TNFRSF1B: variants seen among roughly 807,000 people sequenced by gnomAD.
The protein encoded by TNFRSF1B is tumor necrosis factor receptor superfamily member 1B.
TNFRSF1B carries 19 observed loss-of-function variants against 44.6 expected under a neutral mutation model. That is an observed-to-expected ratio of 0.43 (90% CI 0.30 to 0.62). The LOEUF is 0.62. Ranked by LOEUF, TNFRSF1B falls within the 20% of genes least tolerant of loss-of-function variation. TNFRSF1B has a pLI of 0.16. For synonymous variants in TNFRSF1B, 252 were observed against 261.1 expected, an observed-to-expected ratio of 0.97 and a Z score of 0.34; for missense variants, 541 against 619.9, an observed-to-expected ratio of 0.87 and a Z score of 1.35.
At position 12,201,260 on chromosome 1, in the gene TNFRSF1B, C is replaced by CAAA. The variant is rs1177930307; in HGVS notation, c.901-686_901-684dup. Among the ~76,000 whole-genome samples, 300 of 55,724 alleles carry CAAA rather than the reference C, an allele frequency of 5.4e-3. 1 individual carries two copies. The highest frequency in any genetic ancestry group is 0.017 in the African/African-American group (267 of 15,456). 36.6% of individuals were successfully genotyped at this position (55,724 alleles called of 152,430 possible). On this transcript the variant is annotated intron_variant, in intron 8 of 9. Transcript: ENST00000376259. ...TGAGCAACAGGGTGAGACCCTGTCT[C>CAAA]AAAAAAAAAAAAAAAAAAAAAAAGT...
chr1:12,200,738 T>C (rs1402466857), intron 8 of TNFRSF1B, among the ~76,000 whole-genome samples: 1 of 152,156 alleles, frequency 6.6e-6, no homozygotes, highest in Non-Finnish European at 1.5e-5. Context: ...TTCTCCTGCC[T>C]CAGCCTCCTG....
intron 9 of TNFRSF1B, among the ~76,000 whole-genome samples, chr1:12,206,193 A>G (rs374632348): frequency 1.3e-5 from 2 of 152,136 alleles, no homozygotes; most frequent in East Asian, 1.9e-4. Context: ...TTCGAGACCA[A>G]CCCAGGCAAC....
intron 8 of TNFRSF1B, among the ~76,000 whole-genome samples, chr1:12,198,062 C>G (rs1171745825): frequency 6.8e-6 from 1 of 146,148 alleles, no homozygotes; most frequent in Non-Finnish European, 1.5e-5. Flanking sequence ...GTGGAGCTTG[C>G]AGTGTACTGA....
At chr1:12,189,423 GCAATGCCATGTAGGTGCT>G (rs1639061991) in intron 2 of TNFRSF1B, among the ~76,000 whole-genome samples, 1 of 152,196 alleles carries the variant, frequency 6.6e-6, no homozygotes. Flanking sequence ...AGCACGTGGC[GCAATGCCATGTAGGTGCT>G]CAGTGCATAT....
At chr1:12,172,664 C>A (rs545211093) in intron 1 of TNFRSF1B, among the ~76,000 whole-genome samples, 3 of 152,346 alleles carry the variant, frequency 2.0e-5, no homozygotes, top group Non-Finnish European at 4.4e-5. Context: ...TCTTTCCTCC[C>A]TGCCTTTTCC....
In TNFRSF1B at chr1:12,180,062, G is replaced by C. The variant is rs970506637; in HGVS notation, c.79-8734G>C. On this transcript the variant is annotated intron_variant, in intron 1 of 9. Transcript: ENST00000376259. The surrounding 1 kb of genome is among the most constrained non-coding windows in gnomAD (Gnocchi z 4.3). The stretch of plus-strand genomic sequence containing the variant: ...AGCGGGTAGATCCCTGCCCAGGGGG[G>C]ACCCCCTGGGGAAGGCTGGGAGCAT... Among the ~76,000 whole-genome samples the C allele has an allele frequency of 1.3e-5, 2 of 151,636 alleles. No individual in the cohort carries two copies. Among genetic ancestry groups the C allele is most frequent in the Non-Finnish European group, 2.9e-5 (2 of 67,858 alleles).
intron 8 of TNFRSF1B, among the ~76,000 whole-genome samples, chr1:12,198,469 C>G (rs1639317433): frequency 6.6e-6 from 1 of 152,152 alleles, no homozygotes; most frequent in South Asian, 2.1e-4. Context: ...CACAGATATG[C>G]ACACATGCCC....
intron 8 of TNFRSF1B, among the ~76,000 whole-genome samples, chr1:12,201,260 CA>C (rs1177930307): frequency 0.071 from 3,957 of 55,832 alleles, 38 homozygotes; most frequent in African/African-American, 0.13. Context: ...GACCCTGTCT[CA>C]AAAAAAAAAA....
chr1:12,176,403 A>G (rs989167218), intron 1 of TNFRSF1B, among the ~76,000 whole-genome samples: 2 of 152,166 alleles, frequency 1.3e-5, no homozygotes, highest in African/African-American at 4.8e-5. Context: ...AGCAACTATA[A>G]TTTGGGAGGA....
chr1:12,190,109 TG>T (rs935491732), intron 2 of TNFRSF1B, among the ~76,000 whole-genome samples: 1 of 152,054 alleles, frequency 6.6e-6, no homozygotes, highest in Non-Finnish European at 1.5e-5. Context: ...GAGATGTAGG[TG>T]GGCATATGAG....
At position 12,169,711 on chromosome 1, in the gene TNFRSF1B, A is replaced by G. The variant is rs1004024189; in HGVS notation, c.78+2542A>G. 2.0e-5 allele frequency among the ~76,000 whole-genome samples: 3 copies of G among 152,266 alleles called. No homozygotes were observed. The highest frequency in any genetic ancestry group is 7.2e-5 in the African/African-American group (3 of 41,470). On this transcript the variant is annotated intron_variant, in intron 1 of 9. Coordinates refer to ENST00000376259, the MANE Select transcript of TNFRSF1B (RefSeq NM_001066.3). This position sits in a 1 kb window ranked among gnomAD's most constrained non-coding sequence, Gnocchi z 4.5. ...TTAAAAGTCTTATTTGCCAGCTGGT[A>G]TGGAAAACATCATTCATTCATTTAG...
rs181174353 is a variant in TNFRSF1B at position 12,178,641 on chromosome 1, A to G, written c.79-10155A>G. Among the ~76,000 whole-genome samples, 1 of 152,266 alleles carries G rather than the reference A, an allele frequency of 6.6e-6. No individual in the cohort carries two copies. The highest frequency in any genetic ancestry group is 1.9e-4 in the East Asian group (1 of 5,186). On this transcript the variant is annotated intron_variant, in intron 1 of 9. Transcript: ENST00000376259. The surrounding 1 kb of genome is among the most constrained non-coding windows in gnomAD (Gnocchi z 4.3). ...ACCTCCCTGAAATGATGGCAGAGGG[A>G]ACTCTTGAAAGAAGCTGAGAAGTCA...
At chr1:12,190,482 C>T (rs981834807) in intron 2 of TNFRSF1B, among the ~76,000 whole-genome samples, 2 of 111,540 alleles carry the variant, frequency 1.8e-5, no homozygotes, top group African/African-American at 6.1e-5. Flanking sequence ...AAAAAAAAAG[C>T]AGCTACTGAG....
intron 9 of TNFRSF1B, among the ~76,000 whole-genome samples, chr1:12,203,530 C>T (rs1639437098): frequency 6.6e-6 from 1 of 152,182 alleles, no homozygotes; most frequent in African/African-American, 2.4e-5. Context: ...TTTCTGTCTG[C>T]CCCATCATAG....
rs1363393995 is a variant in TNFRSF1B, at chr1:12,171,802, T to C, written c.78+4633T>C. On this transcript the variant is annotated intron_variant, in intron 1 of 9. Coordinates refer to ENST00000376259, the MANE Select transcript of TNFRSF1B (RefSeq NM_001066.3). This position sits in a 1 kb window ranked among gnomAD's most constrained non-coding sequence, Gnocchi z 4.5. ...ATCTCCAGATATTGCTAAGTGTCCTTTGGGGTTGGGGGATTGCCCCTGATT... is the reference window on the plus strand; with the variant it reads ...ATCTCCAGATATTGCTAAGTGTCCTCTGGGGTTGGGGGATTGCCCCTGATT... 6.6e-6 allele frequency among the ~76,000 whole-genome samples: 1 copy of C among 152,194 alleles called. No individual in the cohort carries two copies. Among genetic ancestry groups the C allele is most frequent in the African/African-American group, 2.4e-5 (1 of 41,450 alleles).
intron 1 of TNFRSF1B, among the ~76,000 whole-genome samples, chr1:12,183,182 G>A (rs1290933475): frequency 1.3e-5 from 2 of 152,238 alleles, no homozygotes; most frequent in Non-Finnish European, 2.9e-5. Flanking sequence ...CAATCTGGAG[G>A]AGGGGAAATG....
chr1:12,195,037 C>T (rs917070413), intron 8 of TNFRSF1B, among the ~76,000 whole-genome samples: 1 of 152,218 alleles, frequency 6.6e-6, no homozygotes. Flanking sequence ...TCTCAGAGAG[C>T]AGTGGTTTTC....
chr1:12,176,206 G>A (rs1343684981), intron 1 of TNFRSF1B, among the ~76,000 whole-genome samples: 2 of 152,082 alleles, frequency 1.3e-5, no homozygotes, highest in Middle Eastern at 3.2e-3. Flanking sequence ...GTGACAGAAC[G>A]AGACCCTGTC....
At chr1:12,184,404 G>A (rs565195319) in intron 1 of TNFRSF1B, among the ~76,000 whole-genome samples, 36 of 150,690 alleles carry the variant, frequency 2.4e-4, no homozygotes, top group African/African-American at 8.8e-4. Context: ...CAAGGGAGCC[G>A]ACCCCCTCTG....
Sources: gnomAD v4.1 joint callset for allele counts (sites outside exome capture counted in the v4.1 genomes callset) on GRCh38, gnomAD v4.1.1 for gene constraint, Gnocchi (gnomAD v3.1) non-coding constraint, MANE v1.5 for transcripts, NCBI Gene and HGNC (gene_info 2026-07-23, HGNC 2026-07-21) for gene names.